The following CELF5 variants were observed in gnomAD, a reference collection of about 807,000 sequenced individuals.
The protein encoded by CELF5 is CUG-BP and ETR-3 like factor 5.
Under a neutral mutation model 54.9 loss-of-function variants are expected in CELF5, and 6 were observed. The ratio of observed to expected loss-of-function variants is 0.11; its 90% confidence interval spans 0.06 to 0.22. The LOEUF (loss-of-function observed/expected upper bound fraction) is 0.22. Among genes scored for constraint, CELF5 ranks in the 10% least tolerant of loss-of-function variants. The probability of loss-of-function intolerance (pLI) is 1.00; values close to 1 mark genes in which losing one functional copy is unlikely to be tolerated. For missense variants in CELF5, 401 were observed against 678.6 expected, an observed-to-expected ratio of 0.59 and a Z score of 4.54; for synonymous variants, 271 against 290.9, an observed-to-expected ratio of 0.93 and a Z score of 0.70.
intron 11 of CELF5, 78 bp downstream of exon 11, chr19:3,290,452 C>CA: frequency 6.5e-7 from 1 of 1,530,608 alleles, no homozygotes; most frequent in Non-Finnish European, 9.0e-7. Context: ...GGGTTTTGGT[C>CA]GGCCTCGGGA....
chr19:3,252,586 G>A (rs1025936243), intron 2 of CELF5, among the ~76,000 whole-genome samples: 25 of 152,152 alleles, frequency 1.6e-4, no homozygotes, highest in Non-Finnish European at 3.2e-4. Context: ...CGTAGCCTTC[G>A]TGCTTGGCTG....
At chr19:3,252,640 T>C (rs2079667392) in intron 2 of CELF5, among the ~76,000 whole-genome samples, 1 of 152,114 alleles carries the variant, frequency 6.6e-6, no homozygotes, top group Admixed American at 6.6e-5. Context: ...CCCGAGGTCA[T>C]GGCATGAGTT....
chr19:3,285,977 C>T lies in CELF5; in HGVS notation c.1138C>T (p.His380Tyr). 1 of 1,588,410 alleles carries T rather than the reference C, an allele frequency of 6.3e-7. No individual in the cohort carries two copies. The highest frequency in any genetic ancestry group is 8.5e-7 in the Non-Finnish European group (1 of 1,173,798). ...YPTAAITPIA[H>Y]SVPQPPPLLQ... ...CACCGCGGCCATCACGCCCATCGCG[C>T]ACAGCGTCCCCCAGCCGCCGCCCCT... Residue 380 changes from histidine (H) to tyrosine (Y), a missense_variant, in exon 10 of 13, where the codon CAC becomes TAC. Coordinates refer to ENST00000292672, the MANE Select transcript of CELF5 (RefSeq NM_021938.4).
intron 2 of CELF5, among the ~76,000 whole-genome samples, chr19:3,252,880 G>A (rs1018438310): frequency 2.6e-5 from 4 of 151,990 alleles, no homozygotes; most frequent in African/African-American, 4.8e-5. Flanking sequence ...ACAGGGCAGG[G>A]TGGGCTAGCA....
At chr19:3,280,743 T>C (rs1169372771) in intron 5 of CELF5, among the ~76,000 whole-genome samples, 1 of 152,022 alleles carries the variant, frequency 6.6e-6, no homozygotes, top group Non-Finnish European at 1.5e-5. Flanking sequence ...GTGCCCCAGT[T>C]GTTCCTCTCT....
intron 1 of CELF5, among the ~76,000 whole-genome samples, chr19:3,237,277 A>G (rs893877227): frequency 1.5e-5 from 2 of 137,666 alleles, no homozygotes; most frequent in African/African-American, 5.5e-5. Flanking sequence ...ACGCCACTGC[A>G]CTCCAGCCTG....
At chr19:3,233,447 A>C (rs189542680) in intron 1 of CELF5, among the ~76,000 whole-genome samples, 6 of 152,368 alleles carry the variant, frequency 3.9e-5, no homozygotes, top group African/African-American at 1.2e-4. Context: ...GTGAACAAAC[A>C]AACTAAAGAT....
intron 1 of CELF5, among the ~76,000 whole-genome samples, chr19:3,231,680 G>T (rs921874278): frequency 2.6e-4 from 37 of 144,096 alleles, no homozygotes; most frequent in African/African-American, 8.5e-4. Flanking sequence ...GGATGAGCAG[G>T]TGGGTGGATG....
At chr19:3,229,533 T>A (rs1334480515) in intron 1 of CELF5, among the ~76,000 whole-genome samples, 3 of 152,038 alleles carry the variant, frequency 2.0e-5, no homozygotes, top group Admixed American at 6.5e-5. Flanking sequence ...AGGAGAGTCG[T>A]TGAGAGCTTG....
chr19:3,284,813 T>C (rs1176801479), intron 8 of CELF5, 89 bp from the exon 9 acceptor site: 3 of 1,141,944 alleles, frequency 2.6e-6, no homozygotes, highest in Non-Finnish European at 1.3e-6. Context: ...GCGGGGTGTT[T>C]GTTGCTGTCC....
intron 1 of CELF5, among the ~76,000 whole-genome samples, chr19:3,240,569 C>G (rs1193732699): frequency 6.6e-6 from 1 of 152,024 alleles, no homozygotes; most frequent in Non-Finnish European, 1.5e-5. Context: ...CTTAGGTGAG[C>G]CACCTGCCTC....
At chr19:3,293,585 G>A in intron 12 of CELF5, 99 bp downstream of exon 12, 1 of 1,059,812 alleles carries the variant, frequency 9.4e-7, no homozygotes, top group East Asian at 2.6e-5. Flanking sequence ...CCCAGGTGGG[G>A]TGATGCTTCA....
intron 4 of CELF5, among the ~76,000 whole-genome samples, chr19:3,276,408 T>C (rs547248010): frequency 8.8e-6 from 1 of 114,126 alleles, no homozygotes; most frequent in Non-Finnish European, 1.8e-5. Flanking sequence ...GCTGCAAGGG[T>C]GGGGTCTTGG....
rs150793872 is a variant in CELF5, at chr19:3,280,759, C to A, written c.604-440C>A. On this transcript the variant is annotated intron_variant, in intron 5 of 12. Transcript: ENST00000292672. ...TGCCCCAGTTGTTCCTCTCTGGAGA[C>A]TGGAGTTTCAGGTGTGGGGTGACAA... Among the ~76,000 whole-genome samples the A allele has an allele frequency of 6.4e-3, 980 of 152,180 alleles. 9 individuals carry two copies. Among genetic ancestry groups the A allele is most frequent in the African/African-American group, 0.022 (920 of 41,522 alleles).
intron 2 of CELF5, among the ~76,000 whole-genome samples, chr19:3,254,033 C>T (rs1236433912): frequency 6.6e-6 from 1 of 152,138 alleles, no homozygotes; most frequent in Non-Finnish European, 1.5e-5. Flanking sequence ...CAAAACTGAG[C>T]TCTGCACTCT....
intron 11 of CELF5, 139 bp from the exon 12 acceptor site, chr19:3,293,180 C>T: frequency 1.7e-6 from 2 of 1,164,104 alleles, no homozygotes; most frequent in South Asian, 1.5e-5. Context: ...GTGTCCTCCA[C>T]CACAAACACC....
At chr19:3,290,047 A>AG (rs2080317357) in intron 10 of CELF5, among the ~76,000 whole-genome samples, 184 bp from the exon 11 acceptor site, 1 of 151,996 alleles carries the variant, frequency 6.6e-6, no homozygotes, top group Non-Finnish European at 1.5e-5. Flanking sequence ...AGTGCAGGCA[A>AG]GGGGTGGGTG....
chr19:3,259,002 C>A (rs757845651), intron 2 of CELF5, among the ~76,000 whole-genome samples: 3 of 152,126 alleles, frequency 2.0e-5, no homozygotes, highest in Admixed American at 1.3e-4. Context: ...AGGGACAGCA[C>A]CCTGAGGGAG....
intron 1 of CELF5, among the ~76,000 whole-genome samples, chr19:3,225,786 C>T (rs561227174): frequency 2.0e-5 from 3 of 150,738 alleles, no homozygotes; most frequent in Non-Finnish European, 4.4e-5. Flanking sequence ...CCTCCCCCGC[C>T]TCCACCTTGG....
Sources: allele counts gnomAD v4.1 joint callset (sites outside exome capture counted in the v4.1 genomes callset), GRCh38; gene constraint gnomAD v4.1.1; transcripts MANE v1.5; gene names NCBI Gene and HGNC (gene_info 2026-07-23, HGNC 2026-07-21).